Variants in TSC22D1 observed in about 807,000 individuals in gnomAD.
TSC22D1 encodes TSC22 domain family protein 1.
In TSC22D1, 9 loss-of-function variants were observed where a neutral mutation model predicts 74.2. The observed-to-expected ratio is 0.12, with a 90% confidence interval of 0.07 to 0.21. TSC22D1 has a LOEUF of 0.21. TSC22D1 is among the 10% of genes least tolerant of loss of function. The probability of loss-of-function intolerance (pLI) is 1.00; values close to 1 mark genes in which losing one functional copy is unlikely to be tolerated. For missense variants in TSC22D1, 1,427 were observed against 1,304.7 expected, an observed-to-expected ratio of 1.09 and a Z score of -1.44; for synonymous variants, 586 against 492.5, an observed-to-expected ratio of 1.19 and a Z score of -2.51.
intron 1 of TSC22D1, among the ~76,000 whole-genome samples, chr13:44,456,253 CG>C (rs1303956627): frequency 6.6e-6 from 1 of 152,178 alleles, no homozygotes; most frequent in East Asian, 1.9e-4. Context: ...AAGACCCGAG[CG>C]GGTTGCTGCT....
chr13:44,472,482 C>G (rs1877661945), intron 1 of TSC22D1, among the ~76,000 whole-genome samples: 1 of 152,154 alleles, frequency 6.6e-6, no homozygotes, highest in Non-Finnish European at 1.5e-5. Flanking sequence ...CACTCACTCA[C>G]TCAACAAACA....
At chr13:44,555,190 T>C (rs1263326276) in intron 1 of TSC22D1, among the ~76,000 whole-genome samples, 2 of 151,868 alleles carry the variant, frequency 1.3e-5, no homozygotes, top group Non-Finnish European at 2.9e-5. Flanking sequence ...TTTTAAAATA[T>C]TATCTCTTAA....
chr13:44,543,731 C>T (rs1881626047), intron 1 of TSC22D1, among the ~76,000 whole-genome samples: 2 of 152,092 alleles, frequency 1.3e-5, no homozygotes, highest in Non-Finnish European at 2.9e-5. Flanking sequence ...GTCAAGTGGC[C>T]GATATCTAAA....
intron 1 of TSC22D1, chr13:44,436,961 T>G (rs1874729013): frequency 4.0e-6 from 4 of 1,005,648 alleles, no homozygotes; most frequent in African/African-American, 3.4e-5. Context: ...GTCCTCCCGC[T>G]TCCCTGCTTC....
intron 1 of TSC22D1, chr13:44,437,228 CG>C: frequency 1.0e-6 from 1 of 985,542 alleles, no homozygotes; most frequent in Non-Finnish European, 1.2e-6. Flanking sequence ...GGCTGCTTAA[CG>C]GCGAAAGCTT....
At chr13:44,540,345 C>A (rs149612992) in intron 1 of TSC22D1, among the ~76,000 whole-genome samples, 5 of 152,208 alleles carry the variant, frequency 3.3e-5, no homozygotes, top group African/African-American at 7.2e-5. Flanking sequence ...ACAGAAAAAA[C>A]CAAGTATATT....
chr13:44,554,078 A>G (rs754490634), intron 1 of TSC22D1, among the ~76,000 whole-genome samples: 4 of 152,102 alleles, frequency 2.6e-5, no homozygotes, highest in Non-Finnish European at 5.9e-5. Flanking sequence ...GAAAGGAATC[A>G]CTCTTACTTA....
At chr13:44,567,532 A>G (rs1042626599) in intron 1 of TSC22D1, among the ~76,000 whole-genome samples, 5 of 152,050 alleles carry the variant, frequency 3.3e-5, no homozygotes, top group African/African-American at 1.2e-4. Flanking sequence ...AAAAGCTAAC[A>G]TTTTATATAT....
At chr13:44,515,110 C>T (rs1254373166) in intron 1 of TSC22D1, among the ~76,000 whole-genome samples, 1 of 152,048 alleles carries the variant, frequency 6.6e-6, no homozygotes, top group African/African-American at 2.4e-5. Flanking sequence ...TACCCTTTGT[C>T]CCAGCAATTC....
chr13:44,464,892 C>T (rs970650563), intron 1 of TSC22D1, among the ~76,000 whole-genome samples: 1 of 152,234 alleles, frequency 6.6e-6, no homozygotes, highest in East Asian at 1.9e-4. Flanking sequence ...CAGCACCTGC[C>T]ACCTCTGCTC....
At chr13:44,509,950 C>CAAAAAAAAAAGAAAAAAAAAG (rs1879616047) in intron 1 of TSC22D1, among the ~76,000 whole-genome samples, 1 of 51,426 alleles carries the variant, frequency 1.9e-5, no homozygotes, top group Non-Finnish European at 3.6e-5. Context: ...AGAAAATAAG[C>CAAAAAAAAAAGAAAAAAAAAG]AAAAAAAAAA....
At chr13:44,468,490 A>G (rs1877421326) in intron 1 of TSC22D1, among the ~76,000 whole-genome samples, 1 of 149,926 alleles carries the variant, frequency 6.7e-6, no homozygotes, top group African/African-American at 2.4e-5. Flanking sequence ...CCTAACAGTC[A>G]CCTGGGACAC....
intron 1 of TSC22D1, among the ~76,000 whole-genome samples, chr13:44,450,256 T>C (rs1876014036): frequency 6.6e-6 from 1 of 151,944 alleles, no homozygotes; most frequent in African/African-American, 2.4e-5. Flanking sequence ...AGTAGTTGAG[T>C]GTGGCTATGG....
At position 44,434,227 on chromosome 13, in the gene TSC22D1, G is replaced by A; in HGVS notation, c.*399C>T. 7.0e-7 allele frequency: 1 copy of A among 1,425,962 alleles called. No individual in the cohort carries two copies. The highest frequency in any genetic ancestry group is 9.1e-7 in the Non-Finnish European group (1 of 1,104,216). The allele number at this position is 1,425,962 out of a possible 1,614,324, so 88.3% of individuals were successfully genotyped here. A position where few individuals can be genotyped will look rare whatever the true frequency, so the allele number is the denominator to read the frequency against. On this transcript the variant is annotated 3_prime_UTR_variant, in exon 3 of 3. Coordinates refer to ENST00000458659, the MANE Select transcript of TSC22D1 (RefSeq NM_183422.4). ...AGGAGAGGAGAGAGGCGAGTCCAGTGAGGAGCTCCATCGCTTCACAACCCC... is the reference window on the plus strand; with the variant it reads ...AGGAGAGGAGAGAGGCGAGTCCAGTAAGGAGCTCCATCGCTTCACAACCCC...
intron 1 of TSC22D1, among the ~76,000 whole-genome samples, chr13:44,546,155 G>A (rs1350480192): frequency 6.6e-6 from 1 of 152,030 alleles, no homozygotes; most frequent in Non-Finnish European, 1.5e-5. Flanking sequence ...AAAAAAAGAT[G>A]TTAAATAATT....
chr13:44,466,831 T>C (rs1483384461), intron 1 of TSC22D1, among the ~76,000 whole-genome samples: 1 of 151,022 alleles, frequency 6.6e-6, no homozygotes, highest in Non-Finnish European at 1.5e-5. Flanking sequence ...ACCTTATGAA[T>C]TAGAATCTCC....
At chr13:44,553,108 A>G (rs1882398653) in intron 1 of TSC22D1, among the ~76,000 whole-genome samples, 2 of 152,226 alleles carry the variant, frequency 1.3e-5, no homozygotes, top group South Asian at 2.1e-4. Context: ...TTGACTATAC[A>G]TGACCAACGA....
At chr13:44,514,990 T>A (rs186671150) in intron 1 of TSC22D1, among the ~76,000 whole-genome samples, 1 of 152,232 alleles carries the variant, frequency 6.6e-6, no homozygotes, top group African/African-American at 2.4e-5. Flanking sequence ...CATACTCTAA[T>A]GATAAGGCAG....
At chr13:44,436,953 C>T (rs1159484196) in intron 1 of TSC22D1, 53 of 1,015,166 alleles carry the variant, frequency 5.2e-5, no homozygotes, top group Non-Finnish European at 6.1e-5. Context: ...CCTTCCAGGT[C>T]CTCCCGCTTC....
Sources: allele counts gnomAD v4.1 joint callset (sites outside exome capture counted in the v4.1 genomes callset), GRCh38; gene constraint gnomAD v4.1.1; transcripts MANE v1.5; gene names NCBI Gene and HGNC (gene_info 2026-07-23, HGNC 2026-07-21).